Variants in NFIA observed in about 807,000 individuals in gnomAD.
NFIA encodes nuclear factor I A.
In NFIA, 8 loss-of-function variants were observed where a neutral mutation model predicts 62.8. The observed-to-expected ratio is 0.13, with a 90% confidence interval of 0.07 to 0.23. NFIA has a LOEUF of 0.23. Ranked by LOEUF, NFIA falls within the 10% of genes least tolerant of loss-of-function variation. NFIA has a pLI of 1.00. For synonymous variants in NFIA, 235 were observed against 238.1 expected, an observed-to-expected ratio of 0.99 and a Z score of 0.12; for missense variants, 410 against 642.1, an observed-to-expected ratio of 0.64 and a Z score of 3.91.
At chr1:61,334,446 T>G (rs1386519131) in intron 4 of NFIA, among the ~76,000 whole-genome samples, 1 of 151,142 alleles carries the variant, frequency 6.6e-6, no homozygotes, top group Non-Finnish European at 1.5e-5. Flanking sequence ...TTTTAACTTC[T>G]TAGGACTTTT....
At chr1:61,451,221 G>A (rs1668045417) in intron 10 of NFIA, among the ~76,000 whole-genome samples, 1 of 152,160 alleles carries the variant, frequency 6.6e-6, no homozygotes, top group South Asian at 2.1e-4. Context: ...CAGCGGAATG[G>A]GATTCGAACT....
At position 61,389,943 on chromosome 1, in the gene NFIA, C is replaced by T. The variant is rs570292108; in HGVS notation, c.1075+6578C>T. On this transcript the variant is annotated intron_variant, in intron 7 of 10. Transcript: ENST00000403491. Reference sequence around the variant, plus strand: ...TATCTGGGGACCCATTAATTTTTTTCCACAAATATTTATCAGGCTCTTACA... The same window carrying T: ...TATCTGGGGACCCATTAATTTTTTTTCACAAATATTTATCAGGCTCTTACA... Among the ~76,000 whole-genome samples, 3 of 152,060 alleles carry T rather than the reference C, an allele frequency of 2.0e-5. No homozygotes were observed. The East Asian group carries it at 5.8e-4, about 29-fold the overall frequency.
chr1:61,158,688 A>G (rs1418689999), intron 2 of NFIA, among the ~76,000 whole-genome samples: 1 of 152,238 alleles, frequency 6.6e-6, no homozygotes. Flanking sequence ...TACAGTAACC[A>G]CAGAGTTAAT....
At chr1:61,354,242 G>A (rs924008367) in intron 5 of NFIA, among the ~76,000 whole-genome samples, 1 of 152,186 alleles carries the variant, frequency 6.6e-6, no homozygotes, top group Admixed American at 6.5e-5. Flanking sequence ...TGCATCAGTA[G>A]TTAATAACCC....
At chr1:61,318,797 C>A (rs1168725021) in intron 3 of NFIA, among the ~76,000 whole-genome samples, 1 of 152,114 alleles carries the variant, frequency 6.6e-6, no homozygotes, top group African/African-American at 2.4e-5. Context: ...CTTTATTGTT[C>A]AGCCAGGTTG....
intron 2 of NFIA, among the ~76,000 whole-genome samples, chr1:61,273,293 C>G (rs1657623274): frequency 6.6e-6 from 1 of 152,104 alleles, no homozygotes; most frequent in Non-Finnish European, 1.5e-5. Flanking sequence ...TCTGGAGGGC[C>G]TCCTATGTGT....
At chr1:61,289,850 T>C (rs1434076386) in intron 3 of NFIA, among the ~76,000 whole-genome samples, 2 of 152,268 alleles carry the variant, frequency 1.3e-5, no homozygotes, top group Non-Finnish European at 2.9e-5. Context: ...CAGGACTGTT[T>C]CTGTGTGGAT....
chr1:61,122,766 T>C (rs1646908085), intron 2 of NFIA, among the ~76,000 whole-genome samples: 1 of 152,200 alleles, frequency 6.6e-6, no homozygotes, highest in Non-Finnish European at 1.5e-5. Context: ...TCTTTTCTTT[T>C]TTTAATTTAA....
At chr1:61,171,251 A>C (rs1437651579) in intron 2 of NFIA, among the ~76,000 whole-genome samples, 1 of 152,240 alleles carries the variant, frequency 6.6e-6, no homozygotes, top group African/African-American at 2.4e-5. Flanking sequence ...AGGCTAAAAA[A>C]AGTATTACAA....
chr1:61,361,782 GGTGTGTGTGTGTGT>G (rs61410878), intron 6 of NFIA, among the ~76,000 whole-genome samples: 80 of 142,240 alleles, frequency 5.6e-4, no homozygotes, highest in South Asian at 1.9e-3. Context: ...TTTGGTAAGA[GGTGTGTGTGTGTGT>G]GTGTGTGTGT....
intron 9 of NFIA, among the ~76,000 whole-genome samples, chr1:61,424,189 C>T (rs74089352): frequency 0.035 from 5,395 of 152,118 alleles, 302 homozygotes; most frequent in African/African-American, 0.12. Flanking sequence ...TTGTTGGCCT[C>T]ATAGAAATTT....
chr1:61,188,346 G>T (rs1245280985), intron 2 of NFIA, among the ~76,000 whole-genome samples: 1 of 152,228 alleles, frequency 6.6e-6, no homozygotes, highest in South Asian at 2.1e-4. Flanking sequence ...CATAGCAATA[G>T]CCCCTCCGAG....
At chr1:61,336,487 A>C (rs921028959) in intron 4 of NFIA, among the ~76,000 whole-genome samples, 1 of 152,212 alleles carries the variant, frequency 6.6e-6, no homozygotes, top group South Asian at 2.1e-4. Flanking sequence ...AGTGTGGTAC[A>C]TTTGTTAAAA....
At chr1:61,368,006 T>G (rs1279747973) in intron 6 of NFIA, among the ~76,000 whole-genome samples, 1 of 152,336 alleles carries the variant, frequency 6.6e-6, no homozygotes, top group South Asian at 2.1e-4. Flanking sequence ...AGCAGAGCGA[T>G]GTATACGTTT....
chr1:61,361,662 A>G (rs1663296700), intron 6 of NFIA, among the ~76,000 whole-genome samples: 1 of 152,112 alleles, frequency 6.6e-6, no homozygotes, highest in Admixed American at 6.6e-5. Context: ...ATTCAGGGCA[A>G]TTCCTATTCC....
intron 6 of NFIA, among the ~76,000 whole-genome samples, chr1:61,364,838 C>T (rs1318589203): frequency 6.6e-6 from 1 of 152,070 alleles, no homozygotes; most frequent in Admixed American, 6.6e-5. Context: ...GTAAGGAGCA[C>T]CCATATGAGA....
chr1:61,267,915 C>T (rs1657273090), intron 2 of NFIA, among the ~76,000 whole-genome samples: 1 of 152,042 alleles, frequency 6.6e-6, no homozygotes, highest in Non-Finnish European at 1.5e-5. Context: ...TAGTAGATGC[C>T]AAGCGAATGA....
intron 2 of NFIA, among the ~76,000 whole-genome samples, chr1:61,190,179 C>T (rs1465685831): frequency 6.6e-6 from 1 of 152,200 alleles, no homozygotes; most frequent in Non-Finnish European, 1.5e-5. Flanking sequence ...CCATGTTTTA[C>T]TGACCAGGAA....
chr1:61,453,743 G>A (rs1383553410), intron 10 of NFIA, among the ~76,000 whole-genome samples: 1 of 152,182 alleles, frequency 6.6e-6, no homozygotes, highest in African/African-American at 2.4e-5. Context: ...GTGGATGAGA[G>A]TCAGCTGTTA....
Sources: allele counts gnomAD v4.1 joint callset (sites outside exome capture counted in the v4.1 genomes callset), GRCh38; gene constraint gnomAD v4.1.1; transcripts MANE v1.5; gene names NCBI Gene and HGNC (gene_info 2026-07-23, HGNC 2026-07-21).